CDK13: variants seen among roughly 807,000 people sequenced by gnomAD.
CDK13 encodes cyclin dependent kinase 13.
A neutral mutation model predicts 137.6 loss-of-function variants in CDK13; 40 were observed. That is an observed-to-expected ratio of 0.29 (90% CI 0.23 to 0.38). CDK13 has a LOEUF of 0.38. Ranked by LOEUF, CDK13 falls within the 10% of genes least tolerant of loss-of-function variation. The pLI is 1.00. For missense variants in CDK13, 1,704 were observed against 1,951.8 expected (o/e 0.87, Z 2.39); for synonymous variants, 869 against 760.1 (o/e 1.14, Z -2.36).
intron 2 of CDK13, among the ~76,000 whole-genome samples, chr7:39,991,005 G>A (rs180886486): frequency 4.0e-5 from 6 of 151,260 alleles, no homozygotes; most frequent in Admixed American, 2.6e-4. Context: ...GGTGTGTAAC[G>A]AATAGACCTA....
chr7:39,967,052 G>A (rs752867924), intron 1 of CDK13, among the ~76,000 whole-genome samples: 7 of 152,134 alleles, frequency 4.6e-5, no homozygotes, highest in South Asian at 2.1e-4. Context: ...TAGGCTACTC[G>A]GGGTTCAGGG....
At chr7:40,055,050 C>T (rs957044660) in intron 7 of CDK13, among the ~76,000 whole-genome samples, 5 of 151,972 alleles carry the variant, frequency 3.3e-5, no homozygotes, top group Admixed American at 1.3e-4. Flanking sequence ...CAATAGTTAA[C>T]GTTGAGACCA....
intron 1 of CDK13, among the ~76,000 whole-genome samples, chr7:39,968,811 C>T (rs1365743919): frequency 6.6e-6 from 1 of 152,190 alleles, no homozygotes; most frequent in Non-Finnish European, 1.5e-5. Flanking sequence ...GAGTATTCCA[C>T]TGAATCAGAG....
chr7:39,962,225 A>G (rs543172789), intron 1 of CDK13, among the ~76,000 whole-genome samples: 8 of 152,216 alleles, frequency 5.3e-5, no homozygotes, highest in Non-Finnish European at 1.2e-4. Flanking sequence ...GACTTCCACA[A>G]TGGTTGAACT....
chr7:40,096,415 C>T lies in CDK13; in HGVS notation c.*1435C>T, dbSNP rs1787048362. 6.6e-6 allele frequency: 1 copy of T among 151,982 alleles called. No homozygotes were observed. Among genetic ancestry groups the T allele is most frequent in the Admixed American group, 6.6e-5 (1 of 15,246 alleles). 9.4% of individuals were successfully genotyped at this position (151,982 alleles called of 1,614,324 possible). A position where few individuals can be genotyped will look rare whatever the true frequency, so the allele number is the denominator to read the frequency against. ...TTTAAACTGTAATGGTGTCAAGTCT[C>T]ACTGTGTGCACACTCTCACACATAC... On this transcript the variant is annotated 3_prime_UTR_variant, in exon 14 of 14. Coordinates refer to ENST00000181839, the MANE Select transcript of CDK13 (RefSeq NM_003718.5).
Position 40,093,200 on chromosome 7 carries a change from A to C in CDK13, c.3651A>C (p.Gln1217His). The C allele has an allele frequency of 6.2e-7, 1 of 1,613,720 alleles. No homozygotes were observed. The highest frequency in any genetic ancestry group is 8.5e-7 in the Non-Finnish European group (1 of 1,179,946). The stretch of plus-strand genomic sequence containing the variant: ...GATCGGGACATGAAGCGTCATTACA[A>C]CTCAGGCCACCTCCAGAACCTAGCA... ...ENGSGHEASLQLRPPPEPSTP... is the reference protein window; with the variant it reads ...ENGSGHEASLHLRPPPEPSTP... Residue 1217 changes from glutamine (Q) to histidine (H), a missense_variant, in exon 13 of 14, where the codon CAA becomes CAC. Physicochemically the swap from Gln to His is conservative, Grantham distance 24. Transcript: ENST00000181839.
chr7:39,980,605 A>G (rs1377703855), intron 1 of CDK13, among the ~76,000 whole-genome samples: 8 of 152,210 alleles, frequency 5.3e-5, no homozygotes, highest in Admixed American at 3.3e-4. Context: ...ATTGGCCTCA[A>G]AGATGTTGTG....
At chr7:40,073,428 C>G (rs1313497556) in intron 9 of CDK13, among the ~76,000 whole-genome samples, 2 of 152,096 alleles carry the variant, frequency 1.3e-5, no homozygotes, top group East Asian at 3.9e-4. Flanking sequence ...TTGCTGGAGT[C>G]CAGTAGGTCA....
intron 12 of CDK13, 171 bp from the exon 13 acceptor site, chr7:40,092,614 A>C (rs1222714952): frequency 1.9e-5 from 11 of 584,438 alleles, no homozygotes; most frequent in Non-Finnish European, 3.3e-5. Context: ...GTACAGGTAC[A>C]TTTTAAATGT....
chr7:40,046,527 A>T, intron 6 of CDK13, among the ~76,000 whole-genome samples: 1 of 151,776 alleles, frequency 6.6e-6, no homozygotes, highest in Non-Finnish European at 1.5e-5. Flanking sequence ...CATGCCTGTG[A>T]TGCCAGCTAC....
intron 1 of CDK13, among the ~76,000 whole-genome samples, chr7:39,955,862 AATT>A (rs763739386): frequency 2.0e-5 from 3 of 152,168 alleles, no homozygotes; most frequent in Non-Finnish European, 4.4e-5. Flanking sequence ...CCGTGCAAGA[AATT>A]ATTATGTGTG....
Position 40,099,569 on chromosome 7 carries a change from G to T in CDK13, c.*4589G>T, listed in dbSNP as rs1366439740. ...TTCAATAGTCTGTAAATAAATTGCCGTAACACTCCCAGGCCATTTTTCAGC... is the reference window on the plus strand; with the variant it reads ...TTCAATAGTCTGTAAATAAATTGCCTTAACACTCCCAGGCCATTTTTCAGC... On this transcript the variant is annotated 3_prime_UTR_variant, in exon 14 of 14. Coordinates refer to ENST00000181839, the MANE Select transcript of CDK13 (RefSeq NM_003718.5). The T allele has an allele frequency of 6.6e-6, 1 of 151,906 alleles. No individual in the cohort carries two copies. The highest frequency in any genetic ancestry group is 2.4e-5 in the African/African-American group (1 of 41,372). The allele number at this position is 151,906 out of a possible 1,614,324, so 9.4% of individuals were successfully genotyped here.
Position 39,987,815 on chromosome 7 carries a change from A to G in CDK13, c.1428A>G (p.Ala476=). ...RAAEAAKAAE[A]TKAAEAAAKA... is the part of the protein sequence containing the mutation. ...CAGAAGCAGCGAAAGCTGCAGAAGC[A>G]ACTAAGGCTGCTGAGGCTGCTGCCA... The change falls in exon 2 of 14, where the codon GCA becomes GCG. Residue 476 remains alanine, a synonymous_variant. Coordinates refer to ENST00000181839, the MANE Select transcript of CDK13 (RefSeq NM_003718.5). 1 of 1,614,044 alleles carries G rather than the reference A, an allele frequency of 6.2e-7. No individual in the cohort carries two copies. Among genetic ancestry groups the G allele is most frequent in the Non-Finnish European group, 8.5e-7 (1 of 1,180,010 alleles).
At chr7:40,005,616 G>A (rs929443294) in intron 5 of CDK13, among the ~76,000 whole-genome samples, 10 of 152,016 alleles carry the variant, frequency 6.6e-5, no homozygotes, top group Non-Finnish European at 1.0e-4. Flanking sequence ...ATTTTATTGC[G>A]TCTTAAAAAA....
chr7:40,049,516 T>A (rs866483608), intron 7 of CDK13, among the ~76,000 whole-genome samples: 3 of 152,154 alleles, frequency 2.0e-5, no homozygotes, highest in Admixed American at 1.3e-4. Flanking sequence ...TTTCCTTTTT[T>A]AATTTTGAAA....
chr7:39,987,947 T>A lies in CDK13; in HGVS notation c.1560T>A (p.Ile520=). Residue 520 remains isoleucine (I), a synonymous_variant, in exon 2 of 14, where the codon ATT becomes ATA. Coordinates refer to ENST00000181839, the MANE Select transcript of CDK13 (RefSeq NM_003718.5). ...TGAAGGATGTGAAGAAAATTAAAAT[T>A]GAACATGCACCTTCTCCCTCAAGTG... ...NHVKDVKKIK[I]EHAPSPSSGG... 2.5e-6 allele frequency: 4 copies of A among 1,614,038 alleles called. No individual in the cohort carries two copies. Among genetic ancestry groups the A allele is most frequent in the Non-Finnish European group, 3.4e-6 (4 of 1,179,992 alleles).
At chr7:40,001,523 TTC>T (rs570640698) in intron 4 of CDK13, among the ~76,000 whole-genome samples, 4 of 152,098 alleles carry the variant, frequency 2.6e-5, no homozygotes, top group Non-Finnish European at 5.9e-5. Context: ...CCTAGCATCT[TTC>T]TGTTTTCTTT....
intron 7 of CDK13, chr7:40,060,841 G>C (rs187687361): frequency 6.6e-6 from 1 of 152,258 alleles, no homozygotes; most frequent in Non-Finnish European, 1.5e-5. Flanking sequence ...GCCGAGGTGC[G>C]CAGATCACCT....
chr7:40,016,876 A>G (rs906188418), intron 5 of CDK13, among the ~76,000 whole-genome samples: 23 of 152,284 alleles, frequency 1.5e-4, no homozygotes, highest in African/African-American at 5.3e-4. Context: ...TTATAAAATT[A>G]TATTTGGTTT....
Sources: gnomAD v4.1 joint callset for allele counts (sites outside exome capture counted in the v4.1 genomes callset) on GRCh38, gnomAD v4.1.1 for gene constraint, MANE v1.5 for transcripts, NCBI Gene and HGNC (gene_info 2026-07-23, HGNC 2026-07-21) for gene names.